ZNF383: variants seen among roughly 807,000 people sequenced by gnomAD.
The protein encoded by ZNF383 is zinc finger protein 383.
In ZNF383, 32 loss-of-function variants were observed where a neutral mutation model predicts 44.2. The observed-to-expected ratio is 0.72, with a 90% CI of 0.55 to 0.97. The LOEUF (loss-of-function observed/expected upper bound fraction) is 0.97. Among genes scored for constraint, ZNF383 ranks in the 50% least tolerant of loss-of-function variants. The pLI is 0.00. For missense variants in ZNF383, 487 were observed against 562.5 expected (o/e 0.87, Z 1.36); for synonymous variants, 155 against 186.2 (o/e 0.83, Z 1.36).
At position 37,246,371 on chromosome 19, in the gene ZNF383, G is replaced by A. The variant is rs994956620; in HGVS notation, c.*2707G>A. On this transcript the variant is annotated 3_prime_UTR_variant, in exon 6 of 6. Coordinates refer to ENST00000684119, the MANE Select transcript of ZNF383 (RefSeq NM_001387601.1). ...GAGAAACACTTGTAATGAGTATAAC[G>A]AAGCCTTTCCCTATCATTATTATTC... The A allele has an allele frequency of 1.3e-5, 2 of 152,108 alleles. No homozygotes were observed. Among genetic ancestry groups the A allele is most frequent in the African/African-American group, 4.8e-5 (2 of 41,420 alleles). 9.4% of individuals were successfully genotyped at this position (152,108 alleles called of 1,614,324 possible). A position where few individuals can be genotyped will look rare whatever the true frequency, so the allele number is the denominator to read the frequency against.
intron 3 of ZNF383, among the ~76,000 whole-genome samples, chr19:37,233,552 C>A (rs897946262): frequency 6.6e-6 from 1 of 151,976 alleles, no homozygotes; most frequent in South Asian, 2.1e-4. Context: ...GTCTCAGACT[C>A]CCGAGTAGCT....
Position 37,235,609 on chromosome 19 carries a change from G to C in ZNF383, c.70G>C (p.Asp24His), listed in dbSNP as rs1262647444. The part of the protein sequence containing the change: ...DFSQEEWDCL[D>H]PVQRDLYRDV... ...CTCTCAGGAGGAGTGGGACTGCCTG[G>C]ACCCTGTTCAGAGGGACTTATACAG... The change falls in exon 4 of 6, where the codon GAC (aspartate) becomes CAC (histidine). Residue 24 changes from aspartate to histidine, a missense_variant. By Grantham distance (81) the Asp-to-His change is moderately conservative. Coordinates refer to ENST00000684119, the MANE Select transcript of ZNF383 (RefSeq NM_001387601.1). 4 of 1,614,056 alleles carry C rather than the reference G, an allele frequency of 2.5e-6. No individual in the cohort carries two copies. Among genetic ancestry groups the C allele is most frequent in the Non-Finnish European group, 2.5e-6 (3 of 1,179,984 alleles).
intron 3 of ZNF383, among the ~76,000 whole-genome samples, chr19:37,234,807 C>G (rs1973699440): frequency 6.6e-6 from 1 of 152,120 alleles, no homozygotes; most frequent in Non-Finnish European, 1.5e-5. Flanking sequence ...CAAGTTGCCT[C>G]CTAGTCTTAT....
chr19:37,240,438 G>A (rs1448163680), intron 5 of ZNF383, among the ~76,000 whole-genome samples: 1 of 152,182 alleles, frequency 6.6e-6, no homozygotes, highest in Non-Finnish European at 1.5e-5. Flanking sequence ...GTAGCTTAGA[G>A]ATTAAATAAT....
chr19:37,222,323 A>G (rs1001569282), intron 1 of ZNF383, among the ~76,000 whole-genome samples: 1 of 152,160 alleles, frequency 6.6e-6, no homozygotes, highest in Non-Finnish European at 1.5e-5. Flanking sequence ...AGGTGATATA[A>G]TGAATATAGT....
chr19:37,243,966 G>GC lies in ZNF383; in HGVS notation c.*302_*303insC. The GC allele has an allele frequency of 4.1e-6, 1 of 242,074 alleles. No individual in the cohort carries two copies. The allele number at this position is 242,074 out of a possible 1,614,324, so 15.0% of individuals were successfully genotyped here. A position where few individuals can be genotyped will look rare whatever the true frequency, so the allele number is the denominator to read the frequency against. Reference sequence around the variant, plus strand: ...GCTATCTTTTCTGATCTGTGTATTTGTGTTTGCACCAGTATCACACTGTTT... The same window carrying GC: ...GCTATCTTTTCTGATCTGTGTATTTGCTGTTTGCACCAGTATCACACTGTTT... On this transcript the variant is annotated 3_prime_UTR_variant, in exon 6 of 6. Coordinates refer to ENST00000684119, the MANE Select transcript of ZNF383 (RefSeq NM_001387601.1).
chr19:37,225,630 C>T (rs368759634), intron 2 of ZNF383, among the ~76,000 whole-genome samples: 5 of 151,976 alleles, frequency 3.3e-5, no homozygotes, highest in Non-Finnish European at 7.4e-5. Context: ...TGACTGGCTT[C>T]TTTCCAGTCA....
At position 37,243,419 on chromosome 19, in the gene ZNF383, G is replaced by GAA; in HGVS notation, c.1184_1185dup (p.Cys396AsnfsTer47). 6.2e-7 allele frequency: 1 copy of GAA among 1,614,148 alleles called. No individual in the cohort carries two copies. ...AATTCACGCTGGTGAGAAACCCTTT[G>GAA]AATGTCTTGAATGTGGGAAGGCCTT... On this transcript the variant is annotated frameshift_variant, in exon 6 of 6. Coordinates refer to ENST00000684119, the MANE Select transcript of ZNF383 (RefSeq NM_001387601.1). LOFTEE classifies it high-confidence loss of function.
Position 37,221,920 on chromosome 19 carries a change from C to A in ZNF383, c.-167-2898C>A, listed in dbSNP as rs933907431. 5.5e-5 allele frequency among the ~76,000 whole-genome samples: 8 copies of A among 146,584 alleles called. No homozygotes were observed. The East Asian group carries it at 1.4e-3, about 26-fold the overall frequency. On this transcript the variant is annotated intron_variant, in intron 1 of 5. Coordinates refer to ENST00000684119, the MANE Select transcript of ZNF383 (RefSeq NM_001387601.1). ...GCAATGAGCCAAGATTGTGCCACCGCACTCCAGCCTGGCCGACAGAGCGAG... is the reference window on the plus strand; with the variant it reads ...GCAATGAGCCAAGATTGTGCCACCGAACTCCAGCCTGGCCGACAGAGCGAG...
chr19:37,238,930 T>G (rs559292257), intron 5 of ZNF383, among the ~76,000 whole-genome samples: 1 of 152,122 alleles, frequency 6.6e-6, no homozygotes, highest in South Asian at 2.1e-4. Flanking sequence ...ATCTTTTTGG[T>G]TTTTTTTGAG....
chr19:37,240,689 C>G (rs576995855), intron 5 of ZNF383, among the ~76,000 whole-genome samples: 30 of 152,336 alleles, frequency 2.0e-4, no homozygotes, highest in African/African-American at 7.2e-4. Context: ...GAATCCCCAG[C>G]ACATAAAATA....
rs1012281105 is a variant in ZNF383, at chr19:37,237,987, C to T, written c.232+1913C>T. ...AGGTGATCCTCCCACCTCAGCCTCC[C>T]GAGTAGCTCGGCCCACAGGCACACG... is the stretch of plus-strand genomic sequence containing the variant. On this transcript the variant is annotated intron_variant, in intron 5 of 5. Transcript: ENST00000684119. 4.6e-5 allele frequency among the ~76,000 whole-genome samples: 7 copies of T among 151,920 alleles called. 1 individual carries two copies. The highest frequency in any genetic ancestry group is 1.2e-4 in the African/African-American group (5 of 41,320).
chr19:37,218,323 TGGGCATGTATGAGTGTGTC>T (rs992625697), intron 1 of ZNF383, 49 bp downstream of exon 1: 2 of 152,006 alleles, frequency 1.3e-5, no homozygotes, highest in African/African-American at 4.9e-5. Flanking sequence ...TCTGGAGTGT[TGGGCATGTATGAGTGTGTC>T]GGGCATGTAT....
At position 37,246,046 on chromosome 19, in the gene ZNF383, T is replaced by C. The variant is rs1253454989; in HGVS notation, c.*2382T>C. The C allele has an allele frequency of 6.6e-6, 1 of 152,150 alleles. No individual in the cohort carries two copies. Among genetic ancestry groups the C allele is most frequent in the African/African-American group, 2.4e-5 (1 of 41,420 alleles). 9.4% of individuals were successfully genotyped at this position (152,150 alleles called of 1,614,324 possible). A position where few individuals can be genotyped will look rare whatever the true frequency, so the allele number is the denominator to read the frequency against. On this transcript the variant is annotated 3_prime_UTR_variant, in exon 6 of 6. Transcript: ENST00000684119. ...TCCTGACCTCGTGATCCTCCTGCCT[T>C]GGCTTCCCAAAGTGCTGGGATTATA... is the stretch of plus-strand genomic sequence containing the variant.
intron 3 of ZNF383, 32 bp downstream of exon 3, chr19:37,230,494 A>G (rs1290581382): frequency 1.9e-6 from 3 of 1,587,886 alleles, no homozygotes; most frequent in African/African-American, 3.2e-5. Flanking sequence ...CCTTCCTGAC[A>G]TTTAGTTTAA....
In ZNF383 at chr19:37,230,524, G is replaced by A. The variant is rs80100231; in HGVS notation, c.9+62G>A. ...GTTTAAAAAAAAAAAAAAGACATGA[G>A]CATTTGCTTTCCTTATCCTGACATT... is the stretch of plus-strand genomic sequence containing the variant. On this transcript the variant is annotated intron_variant, in intron 3 of 5. Coordinates refer to ENST00000684119, the MANE Select transcript of ZNF383 (RefSeq NM_001387601.1). 3,119 of 1,506,272 alleles carry A rather than the reference G, an allele frequency of 2.1e-3. 48 individuals are homozygous for A. The African/African-American group carries it at 0.033, about 16-fold the overall frequency. 93.3% of individuals were successfully genotyped at this position (1,506,272 alleles called of 1,614,324 possible).
intron 2 of ZNF383, among the ~76,000 whole-genome samples, chr19:37,226,971 G>C (rs751629442): frequency 1.8e-4 from 28 of 151,812 alleles, no homozygotes; most frequent in Non-Finnish European, 3.5e-4. Context: ...ACCATGCCCA[G>C]CTAATTTTTG....
At chr19:37,224,357 A>G (rs1006759417) in intron 1 of ZNF383, among the ~76,000 whole-genome samples, 1 of 152,190 alleles carries the variant, frequency 6.6e-6, no homozygotes, top group African/African-American at 2.4e-5. Flanking sequence ...TAACACAAAA[A>G]TTGCCAATAT....
At chr19:37,230,002 C>T (rs1973404636) in intron 2 of ZNF383, among the ~76,000 whole-genome samples, 1 of 151,362 alleles carries the variant, frequency 6.6e-6, no homozygotes, top group Non-Finnish European at 1.5e-5. Context: ...CCAAAGGGCA[C>T]CATTTGTGTG....
Sources: allele counts gnomAD v4.1 joint callset (sites outside exome capture counted in the v4.1 genomes callset), GRCh38; gene constraint gnomAD v4.1.1; transcripts MANE v1.5; gene names NCBI Gene and HGNC (gene_info 2026-07-23, HGNC 2026-07-21).